The following SLC16A9 variants were observed in gnomAD, a reference collection of about 807,000 sequenced individuals.
SLC16A9 encodes the protein monocarboxylate transporter 9.
SLC16A9 carries 26 observed loss-of-function variants against 44.3 expected under a neutral mutation model. The observed-to-expected ratio is 0.59, with a 90% CI of 0.43 to 0.81. SLC16A9 has a LOEUF of 0.81. Among genes scored for constraint, SLC16A9 ranks in the 40% least tolerant of loss-of-function variants. The pLI is 0.00. For synonymous variants in SLC16A9, 230 were observed against 225.1 expected, an observed-to-expected ratio of 1.02 and a Z score of -0.19; for missense variants, 559 against 595.8, an observed-to-expected ratio of 0.94 and a Z score of 0.64.
chr10:59,687,416 T>C (rs1476336794), intron 1 of SLC16A9, among the ~76,000 whole-genome samples: 1 of 152,254 alleles, frequency 6.6e-6, no homozygotes, highest in African/African-American at 2.4e-5. Flanking sequence ...ATAATTGTTA[T>C]TACATTTTAT....
intron 2 of SLC16A9, among the ~76,000 whole-genome samples, chr10:59,681,801 T>TG (rs372521760): frequency 5.3e-5 from 2 of 37,636 alleles, no homozygotes; most frequent in African/African-American, 1.7e-4. Context: ...TGTATATGTA[T>TG]ATGTATATGT....
At chr10:59,699,709 T>C (rs1840479318) in intron 1 of SLC16A9, among the ~76,000 whole-genome samples, 1 of 152,092 alleles carries the variant, frequency 6.6e-6, no homozygotes, top group Non-Finnish European at 1.5e-5. Flanking sequence ...TTTAAATCCC[T>C]TTAGACATAA....
intron 2 of SLC16A9, among the ~76,000 whole-genome samples, chr10:59,683,314 T>C (rs770466946): frequency 2.2e-4 from 34 of 152,194 alleles, no homozygotes; most frequent in Non-Finnish European, 5.9e-5. Context: ...ACTATGACTC[T>C]AGAAGTTCAA....
At chr10:59,698,963 C>T (rs1378634323) in intron 1 of SLC16A9, among the ~76,000 whole-genome samples, 2 of 152,238 alleles carry the variant, frequency 1.3e-5, no homozygotes, top group South Asian at 2.1e-4. Flanking sequence ...AGGCTTGTCT[C>T]GAACTCCTGA....
At chr10:59,688,919 C>G (rs1180953079) in intron 1 of SLC16A9, among the ~76,000 whole-genome samples, 1 of 151,948 alleles carries the variant, frequency 6.6e-6, no homozygotes, top group Non-Finnish European at 1.5e-5. Context: ...TACCAGTTTT[C>G]AAACCTAAGT....
At chr10:59,702,664 C>A (rs1840550760) in intron 1 of SLC16A9, among the ~76,000 whole-genome samples, 1 of 152,212 alleles carries the variant, frequency 6.6e-6, no homozygotes, top group East Asian at 1.9e-4. Context: ...CACATCCCAG[C>A]CAGTCAAATC....
intron 2 of SLC16A9, among the ~76,000 whole-genome samples, chr10:59,683,436 T>C (rs1840066116): frequency 6.6e-6 from 1 of 152,246 alleles, no homozygotes; most frequent in South Asian, 2.1e-4. Flanking sequence ...AGAATATCAC[T>C]TTTGGAGACA....
intron 3 of SLC16A9, among the ~76,000 whole-genome samples, chr10:59,670,020 A>G (rs1839709640): frequency 6.6e-6 from 1 of 152,242 alleles, no homozygotes; most frequent in Non-Finnish European, 1.5e-5. Context: ...TATATCATTT[A>G]ACACACTTTA....
At chr10:59,675,889 C>T (rs1839848438) in intron 2 of SLC16A9, among the ~76,000 whole-genome samples, 1 of 152,226 alleles carries the variant, frequency 6.6e-6, no homozygotes, top group Admixed American at 6.5e-5. Flanking sequence ...AAGTTGCCCA[C>T]ATGGCCCTCT....
chr10:59,677,818 C>T (rs1839892109), intron 2 of SLC16A9, among the ~76,000 whole-genome samples: 1 of 151,358 alleles, frequency 6.6e-6, no homozygotes, highest in African/African-American at 2.4e-5. Flanking sequence ...AAATTATTCC[C>T]TTTAGGAAAT....
upstream of SLC16A9, chr10:59,710,061 G>A (rs1564718353): frequency 6.6e-6 from 1 of 152,244 alleles, no homozygotes; most frequent in Non-Finnish European, 1.5e-5. Flanking sequence ...CGTCGGCCAG[G>A]CGCCCTCTCG....
At position 59,651,161 on chromosome 10, in the gene SLC16A9, G is replaced by T. The variant is rs1369514640; in HGVS notation, c.*1611C>A. On this transcript the variant is annotated 3_prime_UTR_variant, in exon 6 of 6. Transcript: ENST00000395348. ...CTGTTATGAAATTCTCCATATTCCAGGTTTACTACATAGAAAAGTACTATT... is the reference window on the plus strand; with the variant it reads ...CTGTTATGAAATTCTCCATATTCCATGTTTACTACATAGAAAAGTACTATT... The T allele has an allele frequency of 2.0e-5, 3 of 151,976 alleles. No homozygotes were observed. The highest frequency in any genetic ancestry group is 7.2e-5 in the African/African-American group (3 of 41,392). The allele number at this position is 151,976 out of a possible 1,614,324, so 9.4% of individuals were successfully genotyped here.
At chr10:59,707,665 G>A (rs769564415) in intron 1 of SLC16A9, among the ~76,000 whole-genome samples, 1 of 151,720 alleles carries the variant, frequency 6.6e-6, no homozygotes, top group African/African-American at 2.4e-5. Context: ...ATTCTACAAT[G>A]TATTACTGTT....
chr10:59,676,175 T>C (rs1227047391), intron 2 of SLC16A9, among the ~76,000 whole-genome samples: 1 of 152,234 alleles, frequency 6.6e-6, no homozygotes, highest in Non-Finnish European at 1.5e-5. Context: ...TGGTGTTCAA[T>C]AGTTTAGAGC....
intron 2 of SLC16A9, among the ~76,000 whole-genome samples, chr10:59,679,281 C>T (rs542551133): frequency 3.4e-4 from 52 of 152,272 alleles, no homozygotes; most frequent in African/African-American, 1.2e-3. Flanking sequence ...CATGATAGCT[C>T]TCTAGTTCAG....
intron 4 of SLC16A9, among the ~76,000 whole-genome samples, chr10:59,661,565 A>G (rs1244196117): frequency 6.6e-6 from 1 of 152,236 alleles, no homozygotes; most frequent in African/African-American, 2.4e-5. Context: ...GAAAATGGCC[A>G]TACTGCCAAA....
intron 1 of SLC16A9, among the ~76,000 whole-genome samples, chr10:59,697,087 C>T (rs1840407463): frequency 1.1e-5 from 1 of 92,540 alleles, no homozygotes; most frequent in African/African-American, 3.8e-5. Context: ...CCCCGCCAGC[C>T]GCCCTGTCCG....
At chr10:59,680,929 G>A (rs1289778599) in intron 2 of SLC16A9, among the ~76,000 whole-genome samples, 1 of 151,906 alleles carries the variant, frequency 6.6e-6, no homozygotes, top group East Asian at 1.9e-4. Flanking sequence ...GTTGCAGTGA[G>A]CCAATATAGC....
chr10:59,692,413 G>T (rs1488053326), intron 1 of SLC16A9, among the ~76,000 whole-genome samples: 3 of 152,220 alleles, frequency 2.0e-5, no homozygotes, highest in South Asian at 2.1e-4. Flanking sequence ...TGGAAATGGG[G>T]AATGACTGTT....
Sources: allele counts gnomAD v4.1 joint callset (sites outside exome capture counted in the v4.1 genomes callset), GRCh38; gene constraint gnomAD v4.1.1; transcripts MANE v1.5; gene names NCBI Gene and HGNC (gene_info 2026-07-23, HGNC 2026-07-21).